Variants in ATP2B2 observed in about 807,000 individuals in gnomAD.
ATP2B2 encodes the protein ATPase plasma membrane Ca2+ transporting 2, also known as plasma membrane calcium-transporting ATPase 2.
A neutral mutation model predicts 120.0 loss-of-function variants in ATP2B2; 15 were observed. That is an observed-to-expected ratio of 0.12 (90% CI 0.08 to 0.19). The LOEUF (loss-of-function observed/expected upper bound fraction) is 0.19, where lower values mean the gene tolerates loss of function less well. ATP2B2 is among the 10% of genes least tolerant of loss of function. ATP2B2 has a pLI of 1.00. For missense variants in ATP2B2, 1,045 were observed against 1,719.8 expected (o/e 0.61, Z 6.94); for synonymous variants, 694 against 700.3 (o/e 0.99, Z 0.14).
Position 10,340,585 on chromosome 3 carries a change from C to T in ATP2B2, c.3037G>A (p.Ala1013Thr), listed in dbSNP as rs762801598. 12 of 1,614,056 alleles carry T rather than the reference C, an allele frequency of 7.4e-6. No homozygotes were observed. The African/African-American group carries it at 1.1e-4, about 14-fold the overall frequency. ...TTGCGCTCGCCGTGGATCTTGCGGG[C>T]GTTGATCTCGTTGAAGAGCTGCATC... is the stretch of plus-strand genomic sequence containing the variant. ...VMMQLFNEIN[A>T]RKIHGERNVF... is the part of the protein sequence containing the mutation. The change falls in exon 20 of 23, where the codon GCC becomes ACC. Residue 1013 changes from alanine to threonine, a missense_variant. Transcript: ENST00000360273. This position sits in a 1 kb window ranked among gnomAD's most constrained non-coding sequence, Gnocchi z 5.0.
At chr3:10,341,387 T>C (rs2060271909) in intron 19 of ATP2B2, among the ~76,000 whole-genome samples, 1 of 152,224 alleles carries the variant, frequency 6.6e-6, no homozygotes, top group African/African-American at 2.4e-5. Context: ...CTCAGCTCAC[T>C]GCAACACCCG....
chr3:10,342,884 G>T lies in ATP2B2; in HGVS notation c.2785C>A (p.Pro929Thr), dbSNP rs1328909942. Residue 929 changes from proline (P) to threonine (T), a missense_variant, in exon 19 of 23, where the codon CCG (proline) becomes ACG (threonine). By Grantham distance (38) the Pro-to-Thr change is conservative. Transcript: ENST00000360273. The surrounding 1 kb of genome is among the most constrained non-coding windows in gnomAD (Gnocchi z 4.4). ...CTCAGCAGCAGGGTCTCCGTGGGCGGCTCAGTGGCCAGTGCCAGCGAGGCA... is the reference window on the plus strand; with the variant it reads ...CTCAGCAGCAGGGTCTCCGTGGGCGTCTCAGTGGCCAGTGCCAGCGAGGCA... The part of the protein sequence containing the change: ...TFASLALATE[P>T]PTETLLLRKP... The T allele has an allele frequency of 6.2e-7, 1 of 1,614,162 alleles. No individual in the cohort carries two copies. Among genetic ancestry groups the T allele is most frequent in the South Asian group, 1.1e-5 (1 of 91,074 alleles).
chr3:10,453,592 A>G (rs1207974804), intron 1 of ATP2B2, among the ~76,000 whole-genome samples: 1 of 152,190 alleles, frequency 6.6e-6, no homozygotes, highest in Non-Finnish European at 1.5e-5. Flanking sequence ...ATGAAGTGCC[A>G]TATGTGAATG....
In ATP2B2 at chr3:10,402,612, G is replaced by A. The variant is rs1029614980; in HGVS notation, c.398-264C>T. The stretch of plus-strand genomic sequence containing the variant: ...CAGGTGACTTGCCCAAGCAATGAAG[G>A]GCAAGTAGGAAGCTGGAATGTGAAC... On this transcript the variant is annotated intron_variant, in intron 3 of 22. Transcript: ENST00000360273. The surrounding 1 kb of genome is among the most constrained non-coding windows in gnomAD (Gnocchi z 4.9). Among the ~76,000 whole-genome samples, 5 of 152,246 alleles carry A rather than the reference G, an allele frequency of 3.3e-5. No individual in the cohort carries two copies. Among genetic ancestry groups the A allele is most frequent in the African/African-American group, 1.2e-4 (5 of 41,468 alleles).
At position 10,340,728 on chromosome 3, in the gene ATP2B2, G is replaced by A. The variant is rs201117268; in HGVS notation, c.2918-24C>T. ...GCCTGCCAAGTGAGAGAGTGGGGCT[G>A]GGCTGAAGGCAGTGGTGGGGGAATC... is the stretch of plus-strand genomic sequence containing the variant. On this transcript the variant is annotated intron_variant, in intron 19 of 22. Transcript: ENST00000360273. The surrounding 1 kb of genome is among the most constrained non-coding windows in gnomAD (Gnocchi z 5.0). 2.5e-6 allele frequency: 4 copies of A among 1,613,282 alleles called. No individual in the cohort carries two copies. The East Asian group carries it at 6.7e-5, about 27-fold the overall frequency.
intron 1 of ATP2B2, among the ~76,000 whole-genome samples, chr3:10,490,400 CTTTTTT>C (rs34189325): frequency 1.1e-4 from 15 of 136,868 alleles, no homozygotes; most frequent in African/African-American, 2.2e-4. Context: ...CCACGGCATT[CTTTTTT>C]TTTTTTTTTT....
intron 22 of ATP2B2, among the ~76,000 whole-genome samples, chr3:10,333,076 G>T (rs2060024386): frequency 6.6e-6 from 1 of 152,180 alleles, no homozygotes; most frequent in African/African-American, 2.4e-5. Flanking sequence ...ATCTTGCGGT[G>T]GTGCCGTGGG....
chr3:10,469,971 G>A (rs2064913862), intron 1 of ATP2B2, among the ~76,000 whole-genome samples: 1 of 152,114 alleles, frequency 6.6e-6, no homozygotes, highest in Non-Finnish European at 1.5e-5. Flanking sequence ...ACCCAGGTGA[G>A]GGTGTCAGTA....
chr3:10,698,384 T>G lies in ATP2B2; in HGVS notation c.-460+9531A>C, dbSNP rs529544622. On this transcript the variant is annotated intron_variant, in intron 1 of 21. Transcript: ENST00000646379. ...GGTTTTGATGGCATGGATGAGCCACTGGGTTAACCAACTCCAGAGCTAATC... is the reference window on the plus strand; with the variant it reads ...GGTTTTGATGGCATGGATGAGCCACGGGGTTAACCAACTCCAGAGCTAATC... Among the ~76,000 whole-genome samples, 11 of 152,322 alleles carry G rather than the reference T, an allele frequency of 7.2e-5. No homozygotes were observed. The South Asian group carries it at 2.1e-3, about 29-fold the overall frequency.
At chr3:10,356,256 T>C (rs2060728881) in intron 14 of ATP2B2, among the ~76,000 whole-genome samples, 1 of 151,960 alleles carries the variant, frequency 6.6e-6, no homozygotes, top group Non-Finnish European at 1.5e-5. Flanking sequence ...ACTCAGCCAC[T>C]TTGGGCACAT....
At chr3:10,507,117 T>C (rs2125427665), upstream of ATP2B2, among the ~76,000 whole-genome samples, 1 of 152,150 alleles carries the variant, frequency 6.6e-6, no homozygotes, top group East Asian at 1.9e-4. Context: ...AGCTACGATG[T>C]CAAGGGCCGG....
intron 1 of ATP2B2, among the ~76,000 whole-genome samples, chr3:10,475,141 T>G (rs1238717866): frequency 6.6e-6 from 1 of 152,154 alleles, no homozygotes; most frequent in Non-Finnish European, 1.5e-5. Context: ...CACTGAACAT[T>G]TGCTGAGCCT....
At chr3:10,604,557 GCCCCA>G (rs2069010687) in intron 2 of ATP2B2, among the ~76,000 whole-genome samples, 1 of 152,136 alleles carries the variant, frequency 6.6e-6, no homozygotes, top group Admixed American at 6.5e-5. Context: ...ACCACCACAT[GCCCCA>G]CTGTTGGGTC....
chr3:10,701,520 G>T (rs1449076045), intron 1 of ATP2B2, among the ~76,000 whole-genome samples: 1 of 152,072 alleles, frequency 6.6e-6, no homozygotes, highest in Non-Finnish European at 1.5e-5. Flanking sequence ...ACCCATCGTT[G>T]TTGTTGAGGA....
intron 2 of ATP2B2, among the ~76,000 whole-genome samples, chr3:10,556,869 G>A (rs1223691188): frequency 2.0e-5 from 3 of 152,166 alleles, no homozygotes; most frequent in African/African-American, 4.8e-5. Context: ...GGGTACAATT[G>A]TCCCTATTTT....
intron 2 of ATP2B2, among the ~76,000 whole-genome samples, chr3:10,618,447 G>C (rs1352610131): frequency 1.3e-5 from 2 of 152,222 alleles, no homozygotes; most frequent in African/African-American, 4.8e-5. Flanking sequence ...GCTGAGTGTG[G>C]AGAGGAAGAG....
chr3:10,526,149 TCTC>T (rs1460895535), intron 3 of ATP2B2, among the ~76,000 whole-genome samples: 1 of 152,178 alleles, frequency 6.6e-6, no homozygotes, highest in African/African-American at 2.4e-5. Context: ...GAGCCTTCCT[TCTC>T]CTTACAGCAA....
Position 10,343,000 on chromosome 3 carries a change from G to T in ATP2B2, c.2704-35C>A, listed in dbSNP as rs771515432. The stretch of plus-strand genomic sequence containing the variant: ...GGCAGGAGAGGGCTGTCACCTGTGC[G>T]CCCACCTGCTGCTGTGAAGTGCTGG... On this transcript the variant is annotated intron_variant, in intron 18 of 22. Transcript: ENST00000360273. This position sits in a 1 kb window ranked among gnomAD's most constrained non-coding sequence, Gnocchi z 4.4. 49 of 1,601,812 alleles carry T rather than the reference G, an allele frequency of 3.1e-5. No individual in the cohort carries two copies. Among genetic ancestry groups the T allele is most frequent in the Non-Finnish European group, 3.8e-5 (45 of 1,170,208 alleles).
At chr3:10,378,476 CAG>C in intron 9 of ATP2B2, 66 bp from the exon 10 acceptor site, 1 of 1,592,964 alleles carries the variant, frequency 6.3e-7, no homozygotes, top group South Asian at 1.1e-5. Context: ...GGTCAGCCCA[CAG>C]GGTGGAGACG....
Sources: gnomAD v4.1 joint callset for allele counts (sites outside exome capture counted in the v4.1 genomes callset) on GRCh38, gnomAD v4.1.1 for gene constraint, Gnocchi (gnomAD v3.1) non-coding constraint, MANE v1.5 for transcripts, NCBI Gene and HGNC (gene_info 2026-07-23, HGNC 2026-07-21) for gene names.